Variants in RPL32 observed in about 807,000 individuals in gnomAD.
RPL32 encodes ribosomal protein L32.
For synonymous variants in RPL32, 61 were observed against 62.6 expected (o/e 0.98, Z 0.12); for missense variants, 117 against 173.7 (o/e 0.67, Z 1.83).
At position 12,836,057 on chromosome 3, in the gene RPL32, T is replaced by C; in HGVS notation, c.*37A>G. The C allele has an allele frequency of 6.2e-7, 1 of 1,604,114 alleles. No homozygotes were observed. Among genetic ancestry groups the C allele is most frequent in the Non-Finnish European group, 8.5e-7 (1 of 1,176,598 alleles). On this transcript the variant is annotated 3_prime_UTR_variant, in exon 4 of 4. Transcript: ENST00000429711. ...AAGGAAGATGCCAGATGGCAGTTTTTACATTTATTTAAACAGAAAACGTGC... is the reference window on the plus strand; with the variant it reads ...AAGGAAGATGCCAGATGGCAGTTTTCACATTTATTTAAACAGAAAACGTGC...
intron 2 of RPL32, 59 bp downstream of exon 2, chr3:12,840,083 G>A (rs2062136070): frequency 8.6e-7 from 1 of 1,158,368 alleles, no homozygotes. Context: ...GGTGATGTCA[G>A]AAACTGTTGG....
chr3:12,840,288 A>G, intron 1 of RPL32, 46 bp from the exon 2 acceptor site: 1 of 1,366,100 alleles, frequency 7.3e-7, no homozygotes, highest in Non-Finnish European at 1.0e-6. Context: ...TCCTGGAAGG[A>G]GGCTTTCCTG....
At chr3:12,839,103 A>G in intron 3 of RPL32, 1 of 579,536 alleles carries the variant, frequency 1.7e-6, no homozygotes, top group Non-Finnish European at 3.1e-6. Context: ...TTCACAAAGC[A>G]GTCTTTTCCT....
At chr3:12,840,047 T>G in intron 2 of RPL32, 95 bp downstream of exon 2, 2 of 1,013,584 alleles carry the variant, frequency 2.0e-6, no homozygotes, top group Admixed American at 3.4e-5. Flanking sequence ...ACAAGCCAGT[T>G]CATCGGTCAA....
intron 3 of RPL32, among the ~76,000 whole-genome samples, chr3:12,836,456 A>C (rs1165846896): frequency 6.6e-6 from 1 of 152,126 alleles, no homozygotes; most frequent in Non-Finnish European, 1.5e-5. Flanking sequence ...CAGCCTTGTA[A>C]TCCAGGCATT....
In RPL32 at chr3:12,840,178, G is replaced by A; in HGVS notation, c.60C>T (p.Phe20=). 1 of 1,614,022 alleles carries A rather than the reference G, an allele frequency of 6.2e-7. No individual in the cohort carries two copies. The change falls in exon 2 of 4, where the codon TTC becomes TTT. Residue 20 remains phenylalanine, a synonymous_variant. Coordinates refer to ENST00000429711, the MANE Select transcript of RPL32 (RefSeq NM_000994.4). ...PKIVKKRTKK[F]IRHQSDRYVK... The stretch of plus-strand genomic sequence containing the variant: ...CATATCGGTCTGACTGGTGCCGGAT[G>A]AACTTCTTGGTTCTCTTTTTGACGA...
At chr3:12,839,685 GA>G (rs1559564553) in intron 2 of RPL32, 155 bp from the exon 3 acceptor site, 1 of 769,792 alleles carries the variant, frequency 1.3e-6, no homozygotes, top group Non-Finnish European at 2.2e-6. Context: ...TTTTTGGTGG[GA>G]AAAACCAGGA....
Position 12,836,232 on chromosome 3 carries a change from G to T in RPL32, c.279-9C>A, listed in dbSNP as rs776322222. The T allele has an allele frequency of 1.9e-6, 3 of 1,599,372 alleles. No homozygotes were observed. Among genetic ancestry groups the T allele is most frequent in the Non-Finnish European group, 2.5e-6 (3 of 1,179,748 alleles). ...TCTCGGCACAGTAAGATCTGCAAGA[G>T]AATCAAGTAGGTAAGGAGCAAGACA... On this transcript the variant is annotated splice_polypyrimidine_tract_variant and intron_variant, in intron 3 of 3. Coordinates refer to ENST00000429711, the MANE Select transcript of RPL32 (RefSeq NM_000994.4).
intron 3 of RPL32, 134 bp downstream of exon 3, chr3:12,839,215 C>T (rs2062125192): frequency 1.3e-6 from 1 of 775,222 alleles, no homozygotes; most frequent in Middle Eastern, 2.4e-4. Flanking sequence ...CAAGGAACAA[C>T]TTCTGATTCC....
chr3:12,835,873 T>TA lies in RPL32; in HGVS notation c.*220dup, dbSNP rs1022262202. 9.1e-6 allele frequency: 5 copies of TA among 548,848 alleles called. No homozygotes were observed. In the African/African-American group the frequency reaches 9.5e-5, roughly 10 times the overall value. The allele number at this position is 548,848 out of a possible 1,614,324, so 34.0% of individuals were successfully genotyped here. A position where few individuals can be genotyped will look rare whatever the true frequency, so the allele number is the denominator to read the frequency against. On this transcript the variant is annotated 3_prime_UTR_variant, in exon 4 of 4. Coordinates refer to ENST00000429711, the MANE Select transcript of RPL32 (RefSeq NM_000994.4). ...ATACCCAGCCTCAACTGGAGATGAC[T>TA]AAGGCTAGTCTGTGCACTTGAGGCC...
rs746039032 is a variant in RPL32 at position 12,836,043 on chromosome 3, C to T, written c.*51G>A. 2 of 1,599,186 alleles carry T rather than the reference C, an allele frequency of 1.3e-6. No individual in the cohort carries two copies. Among genetic ancestry groups the T allele is most frequent in the East Asian group, 2.2e-5 (1 of 44,778 alleles). The stretch of plus-strand genomic sequence containing the variant: ...ACTTAAAATCAAGGAAGGAAGATGC[C>T]AGATGGCAGTTTTTACATTTATTTA... On this transcript the variant is annotated 3_prime_UTR_variant, in exon 4 of 4. Coordinates refer to ENST00000429711, the MANE Select transcript of RPL32 (RefSeq NM_000994.4).
In RPL32 at chr3:12,840,233, G is replaced by T. The variant is rs776601154; in HGVS notation, c.5C>A (p.Ala2Asp). The T allele has an allele frequency of 2.5e-6, 4 of 1,613,324 alleles. No homozygotes were observed. In the East Asian group the frequency reaches 8.9e-5, roughly 36 times the overall value. The part of the protein sequence containing the change: M[A>D]ALRPLVKPKI... ...GGGCTTCACAAGGGGTCTGAGGGCGGCCATGATGCCTTTTGGGGAAGAAGC... is the reference window on the plus strand; with the variant it reads ...GGGCTTCACAAGGGGTCTGAGGGCGTCCATGATGCCTTTTGGGGAAGAAGC... The change falls in exon 2 of 4, where the codon GCC becomes GAC. Residue 2 changes from alanine (A) to aspartate (D), a missense_variant. Physicochemically the swap from Ala to Asp is moderately radical, Grantham distance 126. Coordinates refer to ENST00000429711, the MANE Select transcript of RPL32 (RefSeq NM_000994.4).
At chr3:12,841,273 C>T (rs963609991) in intron 1 of RPL32, 1 of 152,504 alleles carries the variant, frequency 6.6e-6, no homozygotes, top group African/African-American at 2.4e-5. Flanking sequence ...AAGGAACAAA[C>T]AAGCAGCCCG....
In RPL32 at chr3:12,834,676, G is replaced by A. The variant is rs1201836942; in HGVS notation, c.*1418C>T. On this transcript the variant is annotated 3_prime_UTR_variant, in exon 4 of 4. Transcript: ENST00000429711. ...TGCCACCACCCAGGCATAACCAGTT[G>A]GTTTGTTTCCTTCTGAGGAAGGTTT... 6.6e-6 allele frequency: 1 copy of A among 152,310 alleles called. No homozygotes were observed. Among genetic ancestry groups the A allele is most frequent in the Non-Finnish European group, 1.5e-5 (1 of 68,170 alleles). 9.4% of individuals were successfully genotyped at this position (152,310 alleles called of 1,614,324 possible).
chr3:12,835,804 T>C lies in RPL32; in HGVS notation c.*290A>G, dbSNP rs1171637973. The C allele has an allele frequency of 6.7e-6, 2 of 298,984 alleles. No individual in the cohort carries two copies. Among genetic ancestry groups the C allele is most frequent in the Non-Finnish European group, 1.2e-5 (2 of 160,228 alleles). The allele number at this position is 298,984 out of a possible 1,614,324, so 18.5% of individuals were successfully genotyped here. On this transcript the variant is annotated 3_prime_UTR_variant, in exon 4 of 4. Coordinates refer to ENST00000429711, the MANE Select transcript of RPL32 (RefSeq NM_000994.4). ...CTTGGGAGCCACAAGCTTCTTCAAG[T>C]GTCTCAGAACCTACCTGGTGTGAGG...
intron 2 of RPL32, 125 bp downstream of exon 2, chr3:12,840,017 T>C: frequency 3.7e-6 from 3 of 813,112 alleles, no homozygotes; most frequent in Non-Finnish European, 6.4e-6. Context: ...GAGACCTGTA[T>C]TTCTACAGAA....
In RPL32 at chr3:12,840,160, G is replaced by A. The variant is rs1289142414; in HGVS notation, c.78C>T (p.Asp26=). ...CACATACCTTAATTTTGACATATCG[G>A]TCTGACTGGTGCCGGATGAACTTCT... The part of the protein sequence containing the change: ...RTKKFIRHQS[D]RYVKIKRNWR... The change falls in exon 2 of 4, where the codon GAC becomes GAT. Residue 26 remains aspartate, a synonymous_variant. Coordinates refer to ENST00000429711, the MANE Select transcript of RPL32 (RefSeq NM_000994.4). The A allele has an allele frequency of 1.2e-5, 20 of 1,613,676 alleles. No homozygotes were observed. The Middle Eastern group carries it at 4.9e-4, about 40-fold the overall frequency.
rs1167346298 is a variant in RPL32 at position 12,835,790 on chromosome 3, CA to C, written c.*303del. ...ATGACTACTTGTGGCTTGGGAGCCACAAGCTTCTTCAAGTGTCTCAGAACCT... is the reference window on the plus strand; with the variant it reads ...ATGACTACTTGTGGCTTGGGAGCCACAGCTTCTTCAAGTGTCTCAGAACCT... On this transcript the variant is annotated 3_prime_UTR_variant, in exon 4 of 4. Transcript: ENST00000429711. 2.1e-4 allele frequency: 59 copies of C among 277,608 alleles called. No individual in the cohort carries two copies. Among genetic ancestry groups the C allele is most frequent in the Non-Finnish European group, 6.8e-6 (1 of 146,946 alleles). The allele number at this position is 277,608 out of a possible 1,614,324, so 17.2% of individuals were successfully genotyped here.
chr3:12,837,239 A>G (rs1346920399), intron 3 of RPL32, among the ~76,000 whole-genome samples: 1 of 152,186 alleles, frequency 6.6e-6, no homozygotes, highest in Non-Finnish European at 1.5e-5. Context: ...CAACACTCGA[A>G]TCATTTTGAG....
Sources: allele counts gnomAD v4.1 joint callset (sites outside exome capture counted in the v4.1 genomes callset), GRCh38; gene constraint gnomAD v4.1.1; transcripts MANE v1.5; gene names NCBI Gene and HGNC (gene_info 2026-07-23, HGNC 2026-07-21).